The following TMEM163 variants were observed in gnomAD, a reference collection of about 807,000 sequenced individuals.
TMEM163 encodes transmembrane protein 163.
TMEM163 carries 17 observed loss-of-function variants against 29.3 expected under a neutral mutation model. The observed-to-expected ratio is 0.58, with a 90% confidence interval of 0.40 to 0.87. TMEM163 has a LOEUF of 0.87. Among genes scored for constraint, TMEM163 ranks in the 40% least tolerant of loss-of-function variants. The probability of loss-of-function intolerance (pLI) is 0.00; values close to 1 mark genes in which losing one functional copy is unlikely to be tolerated. For synonymous variants in TMEM163, 157 were observed against 160.6 expected (o/e 0.98, Z 0.17); for missense variants, 303 against 381.5 (o/e 0.79, Z 1.71).
Position 134,718,888 on chromosome 2 carries a change from G to T in TMEM163, c.48C>A (p.Thr16=). The change falls in exon 1 of 8, where the codon ACC becomes ACA. Residue 16 remains threonine (T), a synonymous_variant. Transcript: ENST00000281924. The part of the protein sequence containing the change: ...GIQRRSSQGP[T]VPPPPRGHAP... ...CGTGGCCCCGGGGCGGCGGCGGGAC[G>T]GTGGGCCCCTGGGAGCTGCGGCGCT... The T allele has an allele frequency of 1.8e-6, 2 of 1,094,968 alleles. No homozygotes were observed. Among genetic ancestry groups the T allele is most frequent in the Non-Finnish European group, 2.2e-6 (2 of 901,716 alleles). 67.8% of individuals were successfully genotyped at this position (1,094,968 alleles called of 1,614,324 possible). A position where few individuals can be genotyped will look rare whatever the true frequency, so the allele number is the denominator to read the frequency against.
intron 2 of TMEM163, among the ~76,000 whole-genome samples, chr2:134,677,802 T>C (rs1453180444): frequency 6.6e-6 from 1 of 152,232 alleles, no homozygotes; most frequent in Non-Finnish European, 1.5e-5. Context: ...ATCTTTGTCT[T>C]CTTAAATAAA....
At chr2:134,550,957 TCC>T (rs1680906676) in intron 3 of TMEM163, among the ~76,000 whole-genome samples, 1 of 152,122 alleles carries the variant, frequency 6.6e-6, no homozygotes, top group Non-Finnish European at 1.5e-5. Flanking sequence ...GGAATTGGTT[TCC>T]CCATGATAGT....
intron 2 of TMEM163, among the ~76,000 whole-genome samples, chr2:134,708,543 G>A (rs1468956877): frequency 4.0e-5 from 6 of 151,196 alleles, no homozygotes; most frequent in Non-Finnish European, 8.8e-5. Flanking sequence ...ATCTACAGCT[G>A]CACCTAATTT....
At chr2:134,500,475 A>C (rs572033029) in intron 5 of TMEM163, among the ~76,000 whole-genome samples, 1 of 152,332 alleles carries the variant, frequency 6.6e-6, no homozygotes, top group Admixed American at 6.5e-5. Flanking sequence ...CTTAGTTAAC[A>C]ACTCTGAAGG....
chr2:134,662,171 G>C (rs1000402025), intron 2 of TMEM163, among the ~76,000 whole-genome samples: 1 of 151,920 alleles, frequency 6.6e-6, no homozygotes, highest in Non-Finnish European at 1.5e-5. Context: ...TCCTGACCTC[G>C]TGATCCGCCC....
At chr2:134,595,639 G>A (rs1306744222) in intron 2 of TMEM163, among the ~76,000 whole-genome samples, 1 of 152,194 alleles carries the variant, frequency 6.6e-6, no homozygotes, top group Non-Finnish European at 1.5e-5. Context: ...CCAGTAATTC[G>A]ATGGCCGGGT....
chr2:134,656,061 T>C (rs1683601005), intron 2 of TMEM163, among the ~76,000 whole-genome samples: 1 of 144,694 alleles, frequency 6.9e-6, no homozygotes. Context: ...CTCCTTGAGC[T>C]GTGGTGGGCT....
At chr2:134,567,725 C>T (rs947764384) in intron 2 of TMEM163, among the ~76,000 whole-genome samples, 11 of 152,266 alleles carry the variant, frequency 7.2e-5, no homozygotes, top group African/African-American at 2.6e-4. Context: ...GAGTCAGAGA[C>T]TTTCCAAAAT....
intron 4 of TMEM163, among the ~76,000 whole-genome samples, chr2:134,544,722 G>A (rs1680743205): frequency 6.6e-6 from 1 of 152,166 alleles, no homozygotes; most frequent in Non-Finnish European, 1.5e-5. Context: ...TTGAACCGGG[G>A]AGGCAGAGGT....
chr2:134,691,675 T>G (rs186237602), intron 2 of TMEM163, among the ~76,000 whole-genome samples: 36 of 152,298 alleles, frequency 2.4e-4, no homozygotes, highest in African/African-American at 7.2e-4. Flanking sequence ...CCAATGCTCA[T>G]GCCCATCTCT....
intron 2 of TMEM163, among the ~76,000 whole-genome samples, chr2:134,701,315 C>G (rs982549858): frequency 2.0e-5 from 3 of 152,160 alleles, no homozygotes; most frequent in African/African-American, 7.2e-5. Context: ...AAGCAAACTC[C>G]TAACACAGCA....
At chr2:134,539,770 A>G (rs1372504553) in intron 4 of TMEM163, among the ~76,000 whole-genome samples, 1 of 152,220 alleles carries the variant, frequency 6.6e-6, no homozygotes, top group Non-Finnish European at 1.5e-5. Context: ...GAGAAAAAAC[A>G]TGCCATGCTC....
intron 2 of TMEM163, among the ~76,000 whole-genome samples, chr2:134,605,151 T>C (rs1021027513): frequency 1.1e-4 from 17 of 148,494 alleles, no homozygotes; most frequent in Admixed American, 4.8e-4. Flanking sequence ...CACTCCAGCC[T>C]AGGCGACAGA....
intron 2 of TMEM163, among the ~76,000 whole-genome samples, chr2:134,666,492 C>T (rs1358444108): frequency 6.6e-6 from 1 of 152,220 alleles, no homozygotes; most frequent in Non-Finnish European, 1.5e-5. Flanking sequence ...GCTTCCGGCT[C>T]TCCACCTTCT....
At chr2:134,488,083 CA>C (rs1245767043) in intron 5 of TMEM163, among the ~76,000 whole-genome samples, 1 of 151,682 alleles carries the variant, frequency 6.6e-6, no homozygotes, top group African/African-American at 2.4e-5. Flanking sequence ...AACAGATAGA[CA>C]ATATTAAAAG....
intron 3 of TMEM163, among the ~76,000 whole-genome samples, chr2:134,551,355 T>C (rs1427233269): frequency 6.6e-6 from 1 of 152,094 alleles, no homozygotes; most frequent in Admixed American, 6.6e-5. Context: ...GAATCTGCAA[T>C]GTCCCTACAA....
chr2:134,520,687 T>TC (rs1355475276), intron 4 of TMEM163, among the ~76,000 whole-genome samples: 2 of 152,198 alleles, frequency 1.3e-5, no homozygotes, highest in African/African-American at 4.8e-5. Context: ...CCAAATGTGT[T>TC]CTTGTCTACA....
intron 2 of TMEM163, among the ~76,000 whole-genome samples, chr2:134,622,269 T>C (rs1237442808): frequency 6.6e-6 from 1 of 152,224 alleles, no homozygotes; most frequent in African/African-American, 2.4e-5. Context: ...CTGGCAAATT[T>C]ATAATATATA....
At chr2:134,596,629 G>T (rs1214306148) in intron 2 of TMEM163, among the ~76,000 whole-genome samples, 1 of 152,214 alleles carries the variant, frequency 6.6e-6, no homozygotes, top group South Asian at 2.1e-4. Flanking sequence ...CTTTAGAGTA[G>T]TTTTTTCCAA....
Sources: gnomAD v4.1 joint callset for allele counts (sites outside exome capture counted in the v4.1 genomes callset) on GRCh38, gnomAD v4.1.1 for gene constraint, MANE v1.5 for transcripts, NCBI Gene and HGNC (gene_info 2026-07-23, HGNC 2026-07-21) for gene names.